Variants in NUP98 observed in about 807,000 individuals in gnomAD.
NUP98 encodes the protein nuclear pore complex protein Nup98-Nup96.
Under a neutral mutation model 191.9 loss-of-function variants are expected in NUP98, and 26 were observed. The ratio of observed to expected loss-of-function variants is 0.14; its 90% CI spans 0.10 to 0.19. NUP98 has a LOEUF of 0.19. NUP98 is among the 10% of genes least tolerant of loss of function. NUP98 has a pLI of 1.00. For missense variants in NUP98, 1,941 were observed against 2,178.8 expected, an observed-to-expected ratio of 0.89 and a Z score of 2.17; for synonymous variants, 808 against 778.4, an observed-to-expected ratio of 1.04 and a Z score of -0.63.
At chr11:3,690,550 G>A (rs895395360) in intron 28 of NUP98, among the ~76,000 whole-genome samples, 4 of 152,138 alleles carry the variant, frequency 2.6e-5, no homozygotes, top group Non-Finnish European at 2.9e-5. Flanking sequence ...GTGAGCCACC[G>A]CACCCGGCCG....
chr11:3,773,489 A>T, intron 6 of NUP98, 143 bp downstream of exon 6: 1 of 485,298 alleles, frequency 2.1e-6, no homozygotes. Flanking sequence ...CTTGATTTTT[A>T]AAAATAATTT....
intron 14 of NUP98, among the ~76,000 whole-genome samples, chr11:3,728,268 C>T (rs1300892709): frequency 1.3e-5 from 2 of 152,210 alleles, no homozygotes; most frequent in East Asian, 1.9e-4. Flanking sequence ...AATGGGAAAT[C>T]CTACCTTTGA....
chr11:3,718,561 A>G (rs1242799562), intron 18 of NUP98, among the ~76,000 whole-genome samples: 1 of 152,016 alleles, frequency 6.6e-6, no homozygotes, highest in African/African-American at 2.4e-5. Flanking sequence ...GAAAAGAAAG[A>G]AAGAAGAGAA....
chr11:3,744,193 A>G (rs928196775), intron 12 of NUP98, among the ~76,000 whole-genome samples: 3 of 152,258 alleles, frequency 2.0e-5, no homozygotes, highest in Non-Finnish European at 4.4e-5. Context: ...CTCATCTACC[A>G]TAACAGGTTA....
chr11:3,742,971 A>T (rs574843346), intron 12 of NUP98, among the ~76,000 whole-genome samples: 1 of 152,174 alleles, frequency 6.6e-6, no homozygotes, highest in South Asian at 2.1e-4. Context: ...ATGCCAGGTG[A>T]TAACCCGTTT....
intron 15 of NUP98, among the ~76,000 whole-genome samples, chr11:3,724,080 C>A (rs2079516473): frequency 6.6e-6 from 1 of 151,724 alleles, no homozygotes; most frequent in Admixed American, 6.6e-5. Flanking sequence ...TGGAAATAAG[C>A]AGGTTACAGA....
chr11:3,711,448 T>C (rs1196875234), intron 20 of NUP98: 1 of 152,262 alleles, frequency 6.6e-6, no homozygotes, highest in African/African-American at 2.4e-5. Flanking sequence ...TTTTCCTGTC[T>C]GTCCATAAAT....
At chr11:3,716,914 T>C (rs1216091642) in intron 18 of NUP98, among the ~76,000 whole-genome samples, 2 of 152,178 alleles carry the variant, frequency 1.3e-5, no homozygotes. Context: ...TATATGGATT[T>C]TTCTATTTCT....
At chr11:3,699,410 C>A in intron 24 of NUP98, 62 bp from the exon 25 acceptor site, 1 of 1,555,608 alleles carries the variant, frequency 6.4e-7, no homozygotes, top group East Asian at 2.3e-5. Context: ...TCACAGAGGG[C>A]ATCCTTCTAA....
chr11:3,716,800 TTTGA>T (rs1455990423), intron 18 of NUP98, among the ~76,000 whole-genome samples: 1 of 152,142 alleles, frequency 6.6e-6, no homozygotes, highest in Non-Finnish European at 1.5e-5. Flanking sequence ...ACCATACTGT[TTTGA>T]TTATTATAGA....
chr11:3,694,641 G>T (rs2078443260), intron 26 of NUP98, among the ~76,000 whole-genome samples: 1 of 151,926 alleles, frequency 6.6e-6, no homozygotes, highest in Non-Finnish European at 1.5e-5. Context: ...TCAGGAGGCT[G>T]AGGCAGAAGA....
At chr11:3,702,938 C>T (rs764539463) in intron 22 of NUP98, 46 bp from the exon 23 acceptor site, 1 of 1,455,088 alleles carries the variant, frequency 6.9e-7, no homozygotes, top group Non-Finnish European at 9.4e-7. Flanking sequence ...TTACAAAACA[C>T]AAGCTATTGT....
chr11:3,694,349 A>G (rs890482737), intron 26 of NUP98, among the ~76,000 whole-genome samples: 3 of 151,970 alleles, frequency 2.0e-5, no homozygotes, highest in Non-Finnish European at 4.4e-5. Context: ...CAGCCTGGAC[A>G]ATAAGAGCGA....
intron 29 of NUP98, among the ~76,000 whole-genome samples, chr11:3,685,443 C>G (rs746731731): frequency 1.3e-5 from 2 of 152,212 alleles, no homozygotes; most frequent in Non-Finnish European, 2.9e-5. Context: ...CGTGGAGTCA[C>G]TGAGGCAGCT....
At position 3,752,044 on chromosome 11, in the gene NUP98, C is replaced by T. The variant is rs1242358022; in HGVS notation, c.1267+1272G>A. Among the ~76,000 whole-genome samples, 4 of 148,940 alleles carry T rather than the reference C, an allele frequency of 2.7e-5. No individual in the cohort carries two copies. In the East Asian group the frequency reaches 8.0e-4, roughly 30 times the overall value. On this transcript the variant is annotated intron_variant, in intron 11 of 32. Coordinates refer to ENST00000324932, the MANE Select transcript of NUP98 (RefSeq NM_016320.5). Reference sequence around the variant, plus strand: ...TACAAAAATTAGCTGGGTACGGTGGCGTGCGACTGTAGTCCCAGCTACTCG... The same window carrying T: ...TACAAAAATTAGCTGGGTACGGTGGTGTGCGACTGTAGTCCCAGCTACTCG...
At chr11:3,756,187 A>G (rs1249756041) in intron 10 of NUP98, among the ~76,000 whole-genome samples, 2 of 152,156 alleles carry the variant, frequency 1.3e-5, no homozygotes, top group East Asian at 3.8e-4. Flanking sequence ...ATCAAAAGGG[A>G]TCTTACAGTC....
At chr11:3,724,093 A>G (rs1197874347) in intron 15 of NUP98, among the ~76,000 whole-genome samples, 1 of 152,058 alleles carries the variant, frequency 6.6e-6, no homozygotes, top group African/African-American at 2.4e-5. Context: ...GTTACAGAAT[A>G]TATCATTCGT....
intron 28 of NUP98, among the ~76,000 whole-genome samples, chr11:3,689,584 T>C (rs1007684924): frequency 6.4e-4 from 98 of 152,136 alleles, no homozygotes; most frequent in African/African-American, 2.4e-3. Flanking sequence ...ATTACATGGT[T>C]AGAAATAATA....
intron 1 of NUP98, among the ~76,000 whole-genome samples, chr11:3,788,380 A>C (rs2082213500): frequency 6.6e-6 from 1 of 152,042 alleles, no homozygotes. Flanking sequence ...AGGCTGGTGG[A>C]TCACCTGAGC....
Sources: allele counts gnomAD v4.1 joint callset (sites outside exome capture counted in the v4.1 genomes callset), GRCh38; gene constraint gnomAD v4.1.1; transcripts MANE v1.5; gene names NCBI Gene and HGNC (gene_info 2026-07-23, HGNC 2026-07-21).